The following SC5D variants were observed in gnomAD, a reference collection of about 807,000 sequenced individuals.
SC5D encodes the protein lathosterol oxidase.
In SC5D, 21 loss-of-function variants were observed where a neutral mutation model predicts 23.9. The observed-to-expected ratio is 0.88, with a 90% CI of 0.62 to 1.26. The LOEUF is 1.26. SC5D is among the 50% of genes most tolerant of loss of function. SC5D has a pLI of 0.00. For missense variants in SC5D, 309 were observed against 364.8 expected, an observed-to-expected ratio of 0.85 and a Z score of 1.25; for synonymous variants, 113 against 125.9, an observed-to-expected ratio of 0.90 and a Z score of 0.68.
At chr11:121,306,730 A>G in intron 4 of SC5D, 1 of 635,278 alleles carries the variant, frequency 1.6e-6, no homozygotes, top group Non-Finnish European at 2.8e-6. Context: ...AATAGACATT[A>G]GAGACTCCAG....
At chr11:121,293,193 G>A (rs891435) in intron 1 of SC5D, 1 of 152,372 alleles carries the variant, frequency 6.6e-6, no homozygotes, top group Non-Finnish European at 1.5e-5. Context: ...CGCTGGGAGG[G>A]ATCGCGGGGC....
intron 1 of SC5D, among the ~76,000 whole-genome samples, chr11:121,295,910 C>T (rs1029578494): frequency 4.6e-5 from 7 of 152,300 alleles, no homozygotes; most frequent in Middle Eastern, 3.4e-3. Context: ...TTTTTACTTG[C>T]GCGAAATCTC....
intron 1 of SC5D, among the ~76,000 whole-genome samples, chr11:121,302,739 C>T (rs968613530): frequency 6.6e-6 from 1 of 152,102 alleles, no homozygotes; most frequent in Non-Finnish European, 1.5e-5. Context: ...TTTACCAACT[C>T]CCGATCTGGA....
intron 1 of SC5D, among the ~76,000 whole-genome samples, chr11:121,299,094 A>G (rs908824266): frequency 1.2e-4 from 19 of 152,278 alleles, no homozygotes; most frequent in African/African-American, 4.3e-4. Flanking sequence ...TAATAACTAC[A>G]TGAATGATTA....
In SC5D at chr11:121,307,689, T is replaced by G. The variant is rs960026200; in HGVS notation, c.*177T>G. On this transcript the variant is annotated 3_prime_UTR_variant, in exon 5 of 5. Coordinates refer to ENST00000264027, the MANE Select transcript of SC5D (RefSeq NM_006918.5). Reference sequence around the variant, plus strand: ...ATCCTAGTGGTAGGTCAGAAGAAGATGCTGTGAACACCAGGACTTTAATCT... The same window carrying G: ...ATCCTAGTGGTAGGTCAGAAGAAGAGGCTGTGAACACCAGGACTTTAATCT... The G allele has an allele frequency of 1.8e-6, 1 of 562,670 alleles. No homozygotes were observed. Among genetic ancestry groups the G allele is most frequent in the Non-Finnish European group, 3.1e-6 (1 of 321,652 alleles). The allele number at this position is 562,670 out of a possible 1,614,324, so 34.9% of individuals were successfully genotyped here. A position where few individuals can be genotyped will look rare whatever the true frequency, so the allele number is the denominator to read the frequency against.
chr11:121,306,495 A>T lies in SC5D; in HGVS notation c.444+9A>T. 1 of 1,265,258 alleles carries T rather than the reference A, an allele frequency of 7.9e-7. No homozygotes were observed. The highest frequency in any genetic ancestry group is 1.2e-6 in the Non-Finnish European group (1 of 861,542). 78.4% of individuals were successfully genotyped at this position (1,265,258 alleles called of 1,614,324 possible). ...ATAGACTGGTATATAAGGTAAAGTCATTTGTGGTGAAAAGAGAAAAAAGGT... is the reference window on the plus strand; with the variant it reads ...ATAGACTGGTATATAAGGTAAAGTCTTTTGTGGTGAAAAGAGAAAAAAGGT... On this transcript the variant is annotated intron_variant, in intron 4 of 4. Transcript: ENST00000264027.
chr11:121,299,228 A>G (rs1006192569), intron 1 of SC5D, among the ~76,000 whole-genome samples: 4 of 152,348 alleles, frequency 2.6e-5, no homozygotes, highest in Middle Eastern at 3.4e-3. Flanking sequence ...TGAAAAGGTT[A>G]TCTTGGATAT....
At chr11:121,301,302 AGT>A (rs1491138470) in intron 1 of SC5D, among the ~76,000 whole-genome samples, 1 of 122,408 alleles carries the variant, frequency 8.2e-6, no homozygotes, top group African/African-American at 3.1e-5. Context: ...AAGTGATAAA[AGT>A]TTTTTTTTTT....
Position 121,311,040 on chromosome 11 carries a change from T to TA in SC5D, c.*3529dup, listed in dbSNP as rs773244059. Among the ~76,000 whole-genome samples the TA allele has an allele frequency of 2.0e-5, 3 of 152,262 alleles. 1 individual carries two copies. The highest frequency in any genetic ancestry group is 4.8e-5 in the African/African-American group (2 of 41,462). On this transcript the variant is annotated 3_prime_UTR_variant, in exon 5 of 5. Coordinates refer to ENST00000264027, the MANE Select transcript of SC5D (RefSeq NM_006918.5). ...TGAATGACAGTCTTATTTCAGCACT[T>TA]ACTGCTATCACCTATTACTTTTATG...
At chr11:121,301,692 A>G (rs1227327235) in intron 1 of SC5D, among the ~76,000 whole-genome samples, 1 of 152,198 alleles carries the variant, frequency 6.6e-6, no homozygotes, top group Admixed American at 6.5e-5. Context: ...ATGATTGCAT[A>G]GCTCTGAGAA....
intron 1 of SC5D, among the ~76,000 whole-genome samples, chr11:121,300,276 A>G (rs1302039517): frequency 6.6e-6 from 1 of 152,228 alleles, no homozygotes; most frequent in Non-Finnish European, 1.5e-5. Flanking sequence ...TGAGCTTTGG[A>G]CATTTTCCGT....
chr11:121,311,879 A>G lies in SC5D; in HGVS notation c.*4367A>G, dbSNP rs1195801676. On this transcript the variant is annotated 3_prime_UTR_variant, in exon 5 of 5. Coordinates refer to ENST00000264027, the MANE Select transcript of SC5D (RefSeq NM_006918.5). ...CATTTTACCTCCATAGGCCCTCAAT[A>G]GAAATCAGTTGCAGAGGGCAGAAGC... 6.6e-6 allele frequency among the ~76,000 whole-genome samples: 1 copy of G among 152,230 alleles called. No individual in the cohort carries two copies. The highest frequency in any genetic ancestry group is 1.5e-5 in the Non-Finnish European group (1 of 68,030).
At position 121,309,216 on chromosome 11, in the gene SC5D, T is replaced by C. The variant is rs1947990808; in HGVS notation, c.*1704T>C. Among the ~76,000 whole-genome samples, 2 of 152,212 alleles carry C rather than the reference T, an allele frequency of 1.3e-5. No individual in the cohort carries two copies. The highest frequency in any genetic ancestry group is 4.8e-5 in the African/African-American group (2 of 41,452). The stretch of plus-strand genomic sequence containing the variant: ...TTTCTGCGACCCAGGCTCCTTCCTC[T>C]TGGGGCTCTGCCTTTCTCTCAGTCC... On this transcript the variant is annotated 3_prime_UTR_variant, in exon 5 of 5. Coordinates refer to ENST00000264027, the MANE Select transcript of SC5D (RefSeq NM_006918.5).
intron 1 of SC5D, among the ~76,000 whole-genome samples, chr11:121,299,080 A>T (rs1268180289): frequency 1.3e-5 from 2 of 152,258 alleles, no homozygotes; most frequent in African/African-American, 4.8e-5. Flanking sequence ...TAGCGGGAAG[A>T]TAGTAATAAC....
intron 4 of SC5D, 136 bp from the exon 5 acceptor site, chr11:121,306,921 G>T: frequency 2.5e-6 from 2 of 801,330 alleles, no homozygotes; most frequent in African/African-American, 3.4e-5. Context: ...GGCGAAGAAG[G>T]ACATTTTATA....
chr11:121,298,238 A>G (rs1947902649), intron 1 of SC5D, among the ~76,000 whole-genome samples: 1 of 152,194 alleles, frequency 6.6e-6, no homozygotes, highest in African/African-American at 2.4e-5. Context: ...AGCTCAAGGA[A>G]TAAGCCTGCC....
At chr11:121,306,119 G>A (rs1322793641) in intron 3 of SC5D, 3 of 428,866 alleles carry the variant, frequency 7.0e-6, no homozygotes, top group Non-Finnish European at 8.6e-6. Flanking sequence ...TGTCTTAGGA[G>A]TATCCTGTCT....
rs1947981615 is a variant in SC5D at position 121,308,118 on chromosome 11, T to A, written c.*606T>A. 1 of 152,378 alleles carries A rather than the reference T, an allele frequency of 6.6e-6. No homozygotes were observed. Among genetic ancestry groups the A allele is most frequent in the Non-Finnish European group, 1.5e-5 (1 of 68,178 alleles). The allele number at this position is 152,378 out of a possible 1,614,324, so 9.4% of individuals were successfully genotyped here. Reference sequence around the variant, plus strand: ...TATCGTCTTCCTACACATAGGAGGCTCATTCTCTGGACACACTATCACCTA... The same window carrying A: ...TATCGTCTTCCTACACATAGGAGGCACATTCTCTGGACACACTATCACCTA... On this transcript the variant is annotated 3_prime_UTR_variant, in exon 5 of 5. Transcript: ENST00000264027.
intron 1 of SC5D, among the ~76,000 whole-genome samples, chr11:121,301,569 G>C (rs890926062): frequency 6.6e-6 from 1 of 152,006 alleles, no homozygotes; most frequent in Non-Finnish European, 1.5e-5. Context: ...AGAAAGAGTG[G>C]CCCCAGACTC....
Sources: gnomAD v4.1 joint callset for allele counts (sites outside exome capture counted in the v4.1 genomes callset) on GRCh38, gnomAD v4.1.1 for gene constraint, MANE v1.5 for transcripts, NCBI Gene and HGNC (gene_info 2026-07-23, HGNC 2026-07-21) for gene names.